Variants in NPAS3 observed in about 807,000 individuals in gnomAD.
NPAS3 encodes neuronal PAS domain-containing protein 3.
A neutral mutation model predicts 73.1 loss-of-function variants in NPAS3; 14 were observed. The ratio of observed to expected loss-of-function variants is 0.19; its 90% CI spans 0.13 to 0.30. NPAS3 has a LOEUF of 0.30. Among genes scored for constraint, NPAS3 ranks in the 10% least tolerant of loss-of-function variants. NPAS3 has a pLI of 1.00. For synonymous variants in NPAS3, 620 were observed against 541.5 expected (o/e 1.14, Z -2.01); for missense variants, 1,096 against 1,250.0 (o/e 0.88, Z 1.86).
chr14:33,764,922 T>C lies in NPAS3; in HGVS notation c.853-9415T>C, dbSNP rs552486713. On this transcript the variant is annotated intron_variant, in intron 7 of 11. Coordinates refer to ENST00000356141, the Ensembl canonical transcript of NPAS3. ...CCCATGGTCCTGTTTTATTAAATGATATTTGAAGTGTTCCACCCTCTGAGA... is the reference window on the plus strand; with the variant it reads ...CCCATGGTCCTGTTTTATTAAATGACATTTGAAGTGTTCCACCCTCTGAGA... 9.9e-4 allele frequency among the ~76,000 whole-genome samples: 151 copies of C among 152,360 alleles called. 1 individual carries two copies. The highest frequency in any genetic ancestry group is 2.4e-3 in the Admixed American group (37 of 15,306).
intron 2 of NPAS3, among the ~76,000 whole-genome samples, chr14:33,073,648 A>G (rs1332451633): frequency 1.3e-5 from 2 of 152,248 alleles, no homozygotes; most frequent in African/African-American, 4.8e-5. Flanking sequence ...ATGACAAACA[A>G]AAGATGGAAA....
intron 3 of NPAS3, among the ~76,000 whole-genome samples, chr14:33,357,605 G>A (rs539369626): frequency 8.1e-4 from 123 of 152,360 alleles, no homozygotes; most frequent in South Asian, 1.7e-3. Flanking sequence ...AGAGGAGAGA[G>A]CTGACATGTG....
At chr14:33,051,046 G>A (rs1234344774) in intron 1 of NPAS3, among the ~76,000 whole-genome samples, 1 of 151,146 alleles carries the variant, frequency 6.6e-6, no homozygotes, top group Non-Finnish European at 1.5e-5. Context: ...AGGCCGAGGC[G>A]GGTGGATCAC....
intron 3 of NPAS3, among the ~76,000 whole-genome samples, chr14:33,258,788 ATTT>A (rs1298294377): frequency 6.6e-6 from 1 of 152,040 alleles, no homozygotes; most frequent in Non-Finnish European, 1.5e-5. Flanking sequence ...GAAAATACTC[ATTT>A]TTATCATAAA....
At chr14:33,722,170 C>T (rs1031179883) in intron 6 of NPAS3, among the ~76,000 whole-genome samples, 2 of 152,134 alleles carry the variant, frequency 1.3e-5, no homozygotes, top group Admixed American at 1.3e-4. Context: ...TCGAAGTGTT[C>T]ATGGTAAAAA....
Position 33,286,187 on chromosome 14 carries a change from C to A in NPAS3, c.385+70761C>A, listed in dbSNP as rs181982776. Among the ~76,000 whole-genome samples the A allele has an allele frequency of 1.5e-3, 232 of 152,304 alleles. 1 individual carries two copies. Among genetic ancestry groups the A allele is most frequent in the Non-Finnish European group, 2.6e-3 (178 of 68,022 alleles). On this transcript the variant is annotated intron_variant, in intron 3 of 11. Transcript: ENST00000356141. The stretch of plus-strand genomic sequence containing the variant: ...TGGCTATAGCAGGGCTCACCCCAGC[C>A]TCCTGAGTCCAGGGCTCTTTCTACT...
At chr14:33,596,857 T>A (rs1294540276) in intron 5 of NPAS3, among the ~76,000 whole-genome samples, 7 of 152,216 alleles carry the variant, frequency 4.6e-5, no homozygotes, top group Non-Finnish European at 8.8e-5. Flanking sequence ...GGTAGTCATT[T>A]GGCTCCAGAA....
At chr14:33,631,171 G>T (rs1302520962) in intron 5 of NPAS3, among the ~76,000 whole-genome samples, 1 of 152,076 alleles carries the variant, frequency 6.6e-6, no homozygotes, top group African/African-American at 2.4e-5. Flanking sequence ...TCATTGTTTG[G>T]AGCTTCTTTA....
intron 3 of NPAS3, among the ~76,000 whole-genome samples, chr14:33,304,747 T>C (rs997994113): frequency 1.3e-5 from 2 of 152,186 alleles, no homozygotes; most frequent in Non-Finnish European, 2.9e-5. Context: ...ATGAATACTC[T>C]AAAATTTTGT....
At chr14:32,943,679 T>C (rs139302473) in intron 1 of NPAS3, among the ~76,000 whole-genome samples, 1 of 140,502 alleles carries the variant, frequency 7.1e-6, no homozygotes, top group East Asian at 2.1e-4. Context: ...TGTTTCTTTA[T>C]TTCTTTTCTT....
intron 6 of NPAS3, among the ~76,000 whole-genome samples, chr14:33,700,027 T>C (rs2140445792): frequency 6.6e-6 from 1 of 152,298 alleles, no homozygotes; most frequent in Non-Finnish European, 1.5e-5. Context: ...AGATGCAAAC[T>C]TCATACTAAC....
chr14:33,209,831 G>C (rs1242502638), intron 2 of NPAS3, among the ~76,000 whole-genome samples: 1 of 152,104 alleles, frequency 6.6e-6, no homozygotes, highest in Non-Finnish European at 1.5e-5. Flanking sequence ...ATGAAGACTA[G>C]ATATTATATT....
chr14:32,983,923 T>C (rs1380012184), intron 1 of NPAS3, among the ~76,000 whole-genome samples: 1 of 152,164 alleles, frequency 6.6e-6, no homozygotes, highest in Non-Finnish European at 1.5e-5. Context: ...GGTTTTGCCA[T>C]GTTGGCCAGG....
At chr14:33,401,935 T>TA (rs1471595342) in intron 4 of NPAS3, among the ~76,000 whole-genome samples, 1 of 152,098 alleles carries the variant, frequency 6.6e-6, no homozygotes, top group Non-Finnish European at 1.5e-5. Context: ...CATTTCAAGT[T>TA]AAAAATCACA....
At chr14:33,547,306 T>C (rs2054892428) in intron 4 of NPAS3, among the ~76,000 whole-genome samples, 1 of 152,082 alleles carries the variant, frequency 6.6e-6, no homozygotes, top group Non-Finnish European at 1.5e-5. Context: ...ATCTGACTTG[T>C]TGGGAAGGGT....
intron 5 of NPAS3, among the ~76,000 whole-genome samples, chr14:33,658,714 A>T (rs1203539091): frequency 6.6e-6 from 1 of 152,132 alleles, no homozygotes; most frequent in East Asian, 1.9e-4. Context: ...AGGAAACCAC[A>T]CTGTTCATTA....
intron 3 of NPAS3, among the ~76,000 whole-genome samples, chr14:33,344,366 A>G (rs2044630971): frequency 6.6e-6 from 1 of 152,226 alleles, no homozygotes; most frequent in African/African-American, 2.4e-5. Context: ...CTTTCAACCC[A>G]GTGACATCCA....
At chr14:33,319,383 C>T (rs78696827) in intron 3 of NPAS3, among the ~76,000 whole-genome samples, 11,924 of 151,968 alleles carry the variant, frequency 0.078, 569 homozygotes, top group East Asian at 0.19. Flanking sequence ...ATCCTTAGAC[C>T]GCCAGATATT....
chr14:33,545,543 T>C (rs1477740795), intron 4 of NPAS3, among the ~76,000 whole-genome samples: 1 of 152,226 alleles, frequency 6.6e-6, no homozygotes, highest in Admixed American at 6.5e-5. Flanking sequence ...TCAGGTCTAT[T>C]TGAGTTCAAA....
Sources: allele counts gnomAD v4.1 joint callset (sites outside exome capture counted in the v4.1 genomes callset), GRCh38; gene constraint gnomAD v4.1.1; transcripts MANE v1.5; gene names NCBI Gene and HGNC (gene_info 2026-07-23, HGNC 2026-07-21).